The following DGKB variants were observed in gnomAD, a reference collection of about 807,000 sequenced individuals.
The protein encoded by DGKB is diacylglycerol kinase beta, also known as 90 kDa diacylglycerol kinase.
In DGKB, 67 loss-of-function variants were observed where a neutral mutation model predicts 114.3. The ratio of observed to expected loss-of-function variants is 0.59; its 90% CI spans 0.48 to 0.72. The LOEUF (loss-of-function observed/expected upper bound fraction) is 0.72, where lower values mean the gene tolerates loss of function less well. Ranked by LOEUF, DGKB falls within the 30% of genes least tolerant of loss-of-function variation. DGKB has a pLI of 0.00. For missense variants in DGKB, 907 were observed against 975.2 expected (o/e 0.93, Z 0.93); for synonymous variants, 398 against 323.1 (o/e 1.23, Z -2.49).
chr7:14,708,317 A>T (rs1361736530), intron 6 of DGKB, among the ~76,000 whole-genome samples: 1 of 118,040 alleles, frequency 8.5e-6, no homozygotes, highest in Admixed American at 8.9e-5. Flanking sequence ...ATAAAAGAGG[A>T]TACAAACAAA....
At chr7:14,585,973 T>G (rs75618413) in intron 17 of DGKB, among the ~76,000 whole-genome samples, 22 of 152,238 alleles carry the variant, frequency 1.4e-4, no homozygotes, top group African/African-American at 5.3e-4. Flanking sequence ...TCAGGCCTCT[T>G]AATTCCCTTA....
At chr7:14,780,501 T>TGGAG (rs1407625127) in intron 2 of DGKB, among the ~76,000 whole-genome samples, 1 of 152,240 alleles carries the variant, frequency 6.6e-6, no homozygotes, top group African/African-American at 2.4e-5. Context: ...GATGCTAGGT[T>TGGAG]AATTCTATGC....
chr7:14,605,548 A>C (rs1804343937), intron 17 of DGKB, among the ~76,000 whole-genome samples: 1 of 151,772 alleles, frequency 6.6e-6, no homozygotes, highest in Admixed American at 6.6e-5. Flanking sequence ...TTTTCTAAAT[A>C]ATATTCATTG....
chr7:14,541,146 T>C (rs1348826290), intron 20 of DGKB, among the ~76,000 whole-genome samples: 1 of 151,984 alleles, frequency 6.6e-6, no homozygotes, highest in East Asian at 1.9e-4. Flanking sequence ...TGACAAGTGA[T>C]GCCATGTCCA....
At chr7:14,245,895 G>A (rs895918842) in intron 23 of DGKB, among the ~76,000 whole-genome samples, 1 of 152,060 alleles carries the variant, frequency 6.6e-6, no homozygotes, top group African/African-American at 2.4e-5. Flanking sequence ...GCCACTACAC[G>A]CCAGCCTGGG....
At chr7:14,814,727 A>C (rs1294513777) in intron 2 of DGKB, among the ~76,000 whole-genome samples, 2 of 152,212 alleles carry the variant, frequency 1.3e-5, no homozygotes, top group East Asian at 3.9e-4. Context: ...AAATCTGACC[A>C]AATATTCCTC....
chr7:14,537,898 T>G (rs1192622566), intron 20 of DGKB, among the ~76,000 whole-genome samples: 1 of 151,930 alleles, frequency 6.6e-6, no homozygotes, highest in Non-Finnish European at 1.5e-5. Flanking sequence ...CTGACCAACA[T>G]GGAGAAACCC....
At position 14,871,370 on chromosome 7, in the gene DGKB, G is replaced by T. The variant is rs573550387; in HGVS notation, c.-187-29920C>A. The stretch of plus-strand genomic sequence containing the variant: ...GAACTCATTCCTCCTATTATCAGAG[G>T]CTGGTGGGGGTTGACAAAATGTGAC... On this transcript the variant is annotated intron_variant, in intron 1 of 25. Transcript: ENST00000402815. Among the ~76,000 whole-genome samples the T allele has an allele frequency of 5.9e-5, 9 of 152,242 alleles. No homozygotes were observed. In the South Asian group the frequency reaches 1.2e-3, roughly 21 times the overall value.
At chr7:14,203,863 G>C (rs967213406) in intron 23 of DGKB, among the ~76,000 whole-genome samples, 20 of 151,860 alleles carry the variant, frequency 1.3e-4, no homozygotes, top group African/African-American at 4.8e-4. Flanking sequence ...TAGCAGATGT[G>C]GGGCAAAGAA....
At chr7:14,410,480 A>G (rs1824683709) in intron 21 of DGKB, among the ~76,000 whole-genome samples, 1 of 151,968 alleles carries the variant, frequency 6.6e-6, no homozygotes, top group Non-Finnish European at 1.5e-5. Flanking sequence ...CACTTATATA[A>G]CCAAACGTAT....
intron 2 of DGKB, among the ~76,000 whole-genome samples, chr7:14,777,302 G>T (rs1050484871): frequency 6.6e-6 from 1 of 152,112 alleles, no homozygotes; most frequent in Admixed American, 6.6e-5. Context: ...GACTTTGGGG[G>T]ACTGTTGGGA....
At chr7:14,672,065 A>G (rs1819056271) in intron 13 of DGKB, among the ~76,000 whole-genome samples, 1 of 152,008 alleles carries the variant, frequency 6.6e-6, no homozygotes, top group Admixed American at 6.6e-5. Flanking sequence ...GGCATTTAAA[A>G]TACAACCAGT....
chr7:14,958,530 C>T (rs979184198), intron 1 of DGKB, among the ~76,000 whole-genome samples: 19 of 151,008 alleles, frequency 1.3e-4, no homozygotes, highest in South Asian at 6.3e-4. Context: ...GCCTAAGCTT[C>T]GGGAAATTTC....
At chr7:14,458,543 A>G (rs1835675) in intron 21 of DGKB, among the ~76,000 whole-genome samples, 83,972 of 151,856 alleles carry the variant, frequency 0.55, 23,849 homozygotes, top group African/African-American at 0.67. Flanking sequence ...TGCAGCCCAC[A>G]GAGGGTGAGC....
intron 21 of DGKB, among the ~76,000 whole-genome samples, chr7:14,381,900 G>C (rs1819541173): frequency 6.6e-6 from 1 of 152,144 alleles, no homozygotes; most frequent in Non-Finnish European, 1.5e-5. Context: ...AGGAGGAATA[G>C]CACCCAAACT....
intron 13 of DGKB, among the ~76,000 whole-genome samples, chr7:14,667,236 C>A (rs1193960002): frequency 6.6e-6 from 1 of 151,642 alleles, no homozygotes; most frequent in African/African-American, 2.4e-5. Context: ...TTTTTAATGA[C>A]CCTGGAGAAG....
chr7:14,277,022 T>C (rs79458928), intron 23 of DGKB, among the ~76,000 whole-genome samples: 13,872 of 152,174 alleles, frequency 0.091, 847 homozygotes, highest in Admixed American at 0.15. Context: ...AAATATAAGA[T>C]ATATTATTAT....
chr7:14,369,534 C>T (rs1817269146), intron 21 of DGKB, among the ~76,000 whole-genome samples: 1 of 152,188 alleles, frequency 6.6e-6, no homozygotes, highest in Non-Finnish European at 1.5e-5. Flanking sequence ...TACACTCCCA[C>T]CAATATTGTA....
At chr7:14,900,068 T>G (rs546177824) in intron 1 of DGKB, among the ~76,000 whole-genome samples, 1 of 152,200 alleles carries the variant, frequency 6.6e-6, no homozygotes, top group Non-Finnish European at 1.5e-5. Context: ...CTTGACACAG[T>G]ATGTGCAACT....
Sources: allele counts gnomAD v4.1 joint callset (sites outside exome capture counted in the v4.1 genomes callset), GRCh38; gene constraint gnomAD v4.1.1; transcripts MANE v1.5; gene names NCBI Gene and HGNC (gene_info 2026-07-23, HGNC 2026-07-21).